Variants in BBOX1 observed in about 807,000 individuals in gnomAD.
The protein encoded by BBOX1 is gamma-butyrobetaine dioxygenase.
BBOX1 carries 35 observed loss-of-function variants against 41.6 expected under a neutral mutation model. That is an observed-to-expected ratio of 0.84 (90% CI 0.64 to 1.11). The LOEUF is 1.11. Ranked by LOEUF, BBOX1 falls within the 50% of genes most tolerant of loss-of-function variation. BBOX1 has a pLI of 0.00. For missense variants in BBOX1, 458 were observed against 460.6 expected, an observed-to-expected ratio of 0.99 and a Z score of 0.05; for synonymous variants, 163 against 154.7, an observed-to-expected ratio of 1.05 and a Z score of -0.40.
At chr11:27,048,673 G>T (rs1207896703) in intron 2 of BBOX1, among the ~76,000 whole-genome samples, 1 of 151,242 alleles carries the variant, frequency 6.6e-6, no homozygotes, top group Non-Finnish European at 1.5e-5. Context: ...ACATGAGAAT[G>T]CAAATATCTC....
At chr11:27,100,232 T>C (rs986525879) in intron 5 of BBOX1, among the ~76,000 whole-genome samples, 1 of 152,130 alleles carries the variant, frequency 6.6e-6, no homozygotes, top group Non-Finnish European at 1.5e-5. Context: ...AGCTACTTGT[T>C]TGAAATACTT....
intron 4 of BBOX1, among the ~76,000 whole-genome samples, chr11:27,082,927 G>A (rs1442939): frequency 0.071 from 10,723 of 152,020 alleles, 1,261 homozygotes; most frequent in African/African-American, 0.24. Context: ...TGTTATTTTT[G>A]TTTTCTCCAG....
intron 4 of BBOX1, among the ~76,000 whole-genome samples, chr11:27,071,093 G>C (rs1857430693): frequency 6.6e-6 from 1 of 152,038 alleles, no homozygotes; most frequent in Non-Finnish European, 1.5e-5. Context: ...AGACTAAAGA[G>C]GTCAGGTGCG....
At chr11:27,123,808 T>C (rs1766085022) in intron 7 of BBOX1, among the ~76,000 whole-genome samples, 1 of 152,204 alleles carries the variant, frequency 6.6e-6, no homozygotes, top group Non-Finnish European at 1.5e-5. Context: ...TCTTGATTTA[T>C]GTGAAAGCAT....
chr11:27,055,615 T>C lies in BBOX1; in HGVS notation c.185T>C (p.Ile62Thr), dbSNP rs1856954102. ...KLLVEALDVN[I>T]GIKGLIFDRK... Reference sequence around the variant, plus strand: ...CTAGTGGAAGCTCTTGATGTGAACATTGGAATTAAAGGCTTGATATTTGAC... The same window carrying C: ...CTAGTGGAAGCTCTTGATGTGAACACTGGAATTAAAGGCTTGATATTTGAC... The change falls in exon 3 of 9, where the codon ATT (isoleucine) becomes ACT (threonine). Residue 62 changes from isoleucine to threonine, a missense_variant. Coordinates refer to ENST00000263182, the MANE Select transcript of BBOX1 (RefSeq NM_003986.3). The C allele has an allele frequency of 6.2e-7, 1 of 1,614,060 alleles. No individual in the cohort carries two copies. Among genetic ancestry groups the C allele is most frequent in the Non-Finnish European group, 8.5e-7 (1 of 1,179,950 alleles).
chr11:27,097,170 C>G (rs768045663), intron 5 of BBOX1, among the ~76,000 whole-genome samples: 2 of 139,462 alleles, frequency 1.4e-5, no homozygotes. Context: ...TGATTTAGCA[C>G]AAAGTTTTTA....
At chr11:27,102,642 G>A (rs1184838382) in intron 5 of BBOX1, among the ~76,000 whole-genome samples, 3 of 151,660 alleles carry the variant, frequency 2.0e-5, no homozygotes, top group Non-Finnish European at 2.9e-5. Flanking sequence ...TTTAACTCAC[G>A]TAAACATAAA....
rs575426356 is a variant in BBOX1, at chr11:27,056,320, C to T, written c.219+671C>T. On this transcript the variant is annotated intron_variant, in intron 3 of 8. Transcript: ENST00000263182. ...TTGCCCAGGCTGGAATGCAGTGGGG[C>T]GATCTCAGCTCACTGCAACTTCCGC... Among the ~76,000 whole-genome samples the T allele has an allele frequency of 3.9e-5, 6 of 152,184 alleles. No homozygotes were observed. The South Asian group carries it at 1.0e-3, about 26-fold the overall frequency.
intron 4 of BBOX1, among the ~76,000 whole-genome samples, chr11:27,091,945 A>G (rs1858260809): frequency 6.6e-6 from 1 of 152,020 alleles, no homozygotes; most frequent in Admixed American, 6.6e-5. Context: ...ATATGCATTT[A>G]TAGCCTAATT....
chr11:27,091,310 A>T (rs1347412799), intron 4 of BBOX1, among the ~76,000 whole-genome samples: 1 of 151,862 alleles, frequency 6.6e-6, no homozygotes, highest in Non-Finnish European at 1.5e-5. Flanking sequence ...TAGACTGTGA[A>T]CTCTTCAAAA....
intron 6 of BBOX1, among the ~76,000 whole-genome samples, chr11:27,116,294 AG>A (rs370346854): frequency 4.9e-4 from 75 of 151,550 alleles, no homozygotes; most frequent in African/African-American, 1.8e-3. Flanking sequence ...ACACAGAGAG[AG>A]GAACATCACA....
At chr11:27,048,374 A>C (rs1204678067) in intron 2 of BBOX1, among the ~76,000 whole-genome samples, 1 of 151,996 alleles carries the variant, frequency 6.6e-6, no homozygotes, top group Non-Finnish European at 1.5e-5. Flanking sequence ...TCTGTGCCTG[A>C]CTTATTTCAC....
rs555924125 is a variant in BBOX1 at position 27,092,383 on chromosome 11, T to C, written c.335-785T>C. On this transcript the variant is annotated intron_variant, in intron 4 of 8. Transcript: ENST00000263182. ...AGAGTCAGGCTTTTCCTGAATTCAG[T>C]TGGTAATATCTGTTTTAGTTTCCTT... Among the ~76,000 whole-genome samples the C allele has an allele frequency of 7.2e-5, 11 of 151,996 alleles. No homozygotes were observed. The South Asian group carries it at 2.1e-3, about 29-fold the overall frequency.
intron 5 of BBOX1, among the ~76,000 whole-genome samples, chr11:27,111,895 TA>T (rs1446217371): frequency 6.6e-6 from 1 of 151,956 alleles, no homozygotes; most frequent in East Asian, 1.9e-4. Context: ...ATCAGTTTGG[TA>T]TTTCATTGTT....
chr11:27,102,899 A>T (rs1004586919), intron 5 of BBOX1, among the ~76,000 whole-genome samples: 18 of 152,170 alleles, frequency 1.2e-4, no homozygotes, highest in African/African-American at 4.3e-4. Flanking sequence ...TTCCTTAAAA[A>T]TAATTTGATG....
chr11:27,115,792 C>A (rs879525035), intron 6 of BBOX1, among the ~76,000 whole-genome samples: 2 of 151,844 alleles, frequency 1.3e-5, no homozygotes, highest in Non-Finnish European at 1.5e-5. Context: ...AAAAACATTT[C>A]TTTGTTCTTC....
intron 4 of BBOX1, among the ~76,000 whole-genome samples, chr11:27,063,741 C>T (rs769814874): frequency 6.6e-6 from 1 of 151,930 alleles, no homozygotes; most frequent in Non-Finnish European, 1.5e-5. Flanking sequence ...CAGATTATAG[C>T]CCTTCAGTCT....
intron 8 of BBOX1, among the ~76,000 whole-genome samples, chr11:27,126,386 G>A (rs1396417306): frequency 6.6e-6 from 1 of 152,074 alleles, no homozygotes; most frequent in East Asian, 1.9e-4. Flanking sequence ...TTTAAAAATG[G>A]CAACATGTAA....
At chr11:27,041,654 G>A (rs1851351047) in intron 2 of BBOX1, among the ~76,000 whole-genome samples, 176 bp downstream of exon 2, 1 of 152,162 alleles carries the variant, frequency 6.6e-6, no homozygotes, top group African/African-American at 2.4e-5. Flanking sequence ...GGGCTGTGCT[G>A]GGGATGGTCC....
Sources: gnomAD v4.1 joint callset for allele counts (sites outside exome capture counted in the v4.1 genomes callset) on GRCh38, gnomAD v4.1.1 for gene constraint, MANE v1.5 for transcripts, NCBI Gene and HGNC (gene_info 2026-07-23, HGNC 2026-07-21) for gene names.